The following NTRK3 variants were observed in gnomAD, a reference collection of about 807,000 sequenced individuals.
NTRK3 encodes the protein NT-3 growth factor receptor.
In NTRK3, 24 loss-of-function variants were observed where a neutral mutation model predicts 91.7. The observed-to-expected ratio is 0.26, with a 90% confidence interval of 0.19 to 0.37. NTRK3 has a LOEUF of 0.37. Among genes scored for constraint, NTRK3 ranks in the 10% least tolerant of loss-of-function variants. The pLI is 1.00. For missense variants in NTRK3, 880 were observed against 1,068.9 expected (o/e 0.82, Z 2.46); for synonymous variants, 483 against 404.0 (o/e 1.20, Z -2.34).
rs369613221 is a variant in NTRK3 at position 88,099,151 on chromosome 15, T to C, written c.1396+27120A>G. 3 of 230,770 alleles carry C rather than the reference T, an allele frequency of 1.3e-5. No homozygotes were observed. The East Asian group carries it at 1.8e-4, about 14-fold the overall frequency. 14.3% of individuals were successfully genotyped at this position (230,770 alleles called of 1,614,324 possible). On this transcript the variant is annotated intron_variant, in intron 13 of 18. Coordinates refer to ENST00000394480, the Ensembl canonical transcript of NTRK3. The stretch of plus-strand genomic sequence containing the variant: ...AGAGGCTGAAGATCATCCAGGAGGC[T>C]GTGAGAGGCTCCAGGGAGGTGACCG...
At chr15:87,920,050 C>T (rs969683524) in intron 17 of NTRK3, among the ~76,000 whole-genome samples, 2 of 151,930 alleles carry the variant, frequency 1.3e-5, no homozygotes, top group Non-Finnish European at 2.9e-5. Context: ...ATCCAAACTC[C>T]AGATTTTAGA....
chr15:88,225,781 C>T (rs1294878227), intron 3 of NTRK3, among the ~76,000 whole-genome samples: 2 of 152,212 alleles, frequency 1.3e-5, no homozygotes, highest in Admixed American at 6.5e-5. Context: ...CAGCCCCGTA[C>T]ACCACACCTC....
At chr15:87,999,376 T>C (rs549916067) in intron 14 of NTRK3, among the ~76,000 whole-genome samples, 1 of 152,320 alleles carries the variant, frequency 6.6e-6, no homozygotes, top group Non-Finnish European at 1.5e-5. Context: ...TACTTAGTAG[T>C]CTAAACTTGC....
At chr15:87,982,665 C>A (rs1448784849) in intron 14 of NTRK3, among the ~76,000 whole-genome samples, 6 of 152,126 alleles carry the variant, frequency 3.9e-5, no homozygotes, top group African/African-American at 1.2e-4. Context: ...CATTGAGCAC[C>A]CATACGATTG....
At chr15:88,019,441 G>GA (rs2077458005) in intron 14 of NTRK3, among the ~76,000 whole-genome samples, 1 of 152,212 alleles carries the variant, frequency 6.6e-6, no homozygotes, top group African/African-American at 2.4e-5. Context: ...ATGCCTCAGG[G>GA]AAAATGAGTT....
intron 14 of NTRK3, among the ~76,000 whole-genome samples, chr15:88,005,758 A>G (rs2076442499): frequency 6.6e-6 from 1 of 152,136 alleles, no homozygotes; most frequent in African/African-American, 2.4e-5. Context: ...ATCTACCCCA[A>G]CAACTACACA....
chr15:87,937,222 A>G (rs75857562), intron 15 of NTRK3, among the ~76,000 whole-genome samples: 1,534 of 152,334 alleles, frequency 0.01, 29 homozygotes, highest in African/African-American at 0.035. Context: ...ACCAAGAGTC[A>G]TCAGTGATTG....
Position 87,930,603 on chromosome 15 carries a change from A to G in NTRK3, c.1890-1169T>C, listed in dbSNP as rs1194530983. ...TCCAGCCTGCCTCTCAACACCACCA[A>G]TATGGAGATGTGAGAGCAGGCAGGG... On this transcript the variant is annotated intron_variant, in intron 16 of 18. Coordinates refer to ENST00000394480, the Ensembl canonical transcript of NTRK3. 3.9e-5 allele frequency among the ~76,000 whole-genome samples: 6 copies of G among 152,136 alleles called. No individual in the cohort carries two copies. In the East Asian group the frequency reaches 1.2e-3, roughly 30 times the overall value.
exon 19 of NTRK3, chr15:87,876,085 T>C (rs1014455334): frequency 2.2e-5 from 5 of 232,508 alleles, no homozygotes; most frequent in African/African-American, 1.1e-4. Flanking sequence ...TCAGCTATTT[T>C]TTCTTCTGTG....
chr15:88,190,222 A>C (rs2047282151), intron 3 of NTRK3, among the ~76,000 whole-genome samples: 1 of 152,150 alleles, frequency 6.6e-6, no homozygotes, highest in African/African-American at 2.4e-5. Context: ...CACTGCTATT[A>C]ATGAGCTCTT....
chr15:88,066,059 A>G (rs1038241561), intron 13 of NTRK3, among the ~76,000 whole-genome samples: 3 of 152,248 alleles, frequency 2.0e-5, no homozygotes, highest in African/African-American at 7.2e-5. Context: ...AACTCCTGAT[A>G]CAAAAGCAGC....
chr15:88,136,734 G>C (rs1348700055), intron 7 of NTRK3, 125 bp from the exon 8 acceptor site: 1 of 1,205,502 alleles, frequency 8.3e-7, no homozygotes, highest in African/African-American at 1.5e-5. Flanking sequence ...CCACCTGCTT[G>C]AGTTCTTGGA....
chr15:88,142,974 G>T (rs369748552), intron 6 of NTRK3, among the ~76,000 whole-genome samples: 1 of 152,046 alleles, frequency 6.6e-6, no homozygotes, highest in Non-Finnish European at 1.5e-5. Flanking sequence ...CAACATTTTG[G>T]GGGGCCAAGG....
At chr15:88,177,108 G>A (rs1042130645) in intron 5 of NTRK3, among the ~76,000 whole-genome samples, 2 of 152,168 alleles carry the variant, frequency 1.3e-5, no homozygotes, top group Non-Finnish European at 2.9e-5. Flanking sequence ...GAAAAGGCTT[G>A]TAAGGCTGCG....
In NTRK3 at chr15:88,107,498, C is replaced by T. The variant is rs150192731; in HGVS notation, c.1396+18773G>A. On this transcript the variant is annotated intron_variant, in intron 13 of 18. Transcript: ENST00000394480. The stretch of plus-strand genomic sequence containing the variant: ...GGCATGTCCCTTCCTAGGCTCAATG[C>T]ACAGTTTCAAGAGCTTCTGTTGGTC... Among the ~76,000 whole-genome samples, 492 of 152,248 alleles carry T rather than the reference C, an allele frequency of 3.2e-3. 1 individual carries two copies. Among genetic ancestry groups the T allele is most frequent in the Admixed American group, 8.4e-3 (129 of 15,284 alleles).
At chr15:87,995,179 A>G (rs145811031) in intron 14 of NTRK3, among the ~76,000 whole-genome samples, 1 of 152,320 alleles carries the variant, frequency 6.6e-6, no homozygotes, top group African/African-American at 2.4e-5. Context: ...TGGAGCCCAG[A>G]GAGCACCTGC....
chr15:87,934,399 G>T (rs1361512089), intron 15 of NTRK3, among the ~76,000 whole-genome samples: 2 of 152,158 alleles, frequency 1.3e-5, no homozygotes, highest in Non-Finnish European at 2.9e-5. Context: ...CTAGAGATTG[G>T]TTTGCATTCT....
intron 17 of NTRK3, chr15:87,925,652 T>C (rs1038728046): frequency 5.0e-6 from 1 of 199,626 alleles, no homozygotes; most frequent in African/African-American, 2.3e-5. Context: ...TCCAAGGCCT[T>C]AGCCGATGTA....
chr15:87,980,765 C>T (rs2074188410), intron 14 of NTRK3, among the ~76,000 whole-genome samples: 1 of 152,190 alleles, frequency 6.6e-6, no homozygotes, highest in Admixed American at 6.5e-5. Context: ...GGACCCCTTC[C>T]TCTGAAGGAG....
Sources: gnomAD v4.1 joint callset for allele counts (sites outside exome capture counted in the v4.1 genomes callset) on GRCh38, gnomAD v4.1.1 for gene constraint, MANE v1.5 for transcripts, NCBI Gene and HGNC (gene_info 2026-07-23, HGNC 2026-07-21) for gene names.